Variants in PTPRD observed in about 807,000 individuals in gnomAD.
The protein encoded by PTPRD is receptor-type tyrosine-protein phosphatase delta.
In PTPRD, 34 loss-of-function variants were observed where a neutral mutation model predicts 214.5. The observed-to-expected ratio is 0.16, with a 90% CI of 0.12 to 0.21. The LOEUF (loss-of-function observed/expected upper bound fraction) is 0.21, where lower values mean the gene tolerates loss of function less well. Ranked by LOEUF, PTPRD falls within the 10% of genes least tolerant of loss-of-function variation. PTPRD has a pLI of 1.00. For synonymous variants in PTPRD, 1,128 were observed against 845.7 expected (o/e 1.33, Z -5.79); for missense variants, 2,545 against 2,398.7 (o/e 1.06, Z -1.27).
intron 9 of PTPRD, among the ~76,000 whole-genome samples, chr9:9,240,609 G>C (rs1332611431): frequency 6.6e-6 from 1 of 152,066 alleles, no homozygotes; most frequent in Non-Finnish European, 1.5e-5. Flanking sequence ...TACAAAGAGA[G>C]ACACTAAAGC....
intron 11 of PTPRD, among the ~76,000 whole-genome samples, chr9:8,748,827 C>A (rs2093190545): frequency 6.6e-6 from 1 of 152,094 alleles, no homozygotes; most frequent in Non-Finnish European, 1.5e-5. Flanking sequence ...GTGAGAATCG[C>A]TTGAACCCAG....
chr9:10,162,687 G>A (rs1161341089), intron 3 of PTPRD, among the ~76,000 whole-genome samples: 2 of 142,920 alleles, frequency 1.4e-5, no homozygotes, highest in Non-Finnish European at 3.1e-5. Flanking sequence ...ATGTATATAT[G>A]TGTATATATA....
At chr9:9,862,140 A>G (rs1428096615) in intron 5 of PTPRD, among the ~76,000 whole-genome samples, 1 of 152,018 alleles carries the variant, frequency 6.6e-6, no homozygotes, top group African/African-American at 2.4e-5. Flanking sequence ...CTTTTTTCTC[A>G]CCAACTTATT....
At chr9:8,377,235 G>A (rs1500324) in intron 37 of PTPRD, among the ~76,000 whole-genome samples, 33,051 of 151,160 alleles carry the variant, frequency 0.22, 5,030 homozygotes, top group East Asian at 0.51. Flanking sequence ...CTTTTTTTTT[G>A]AACACAAGAT....
chr9:10,018,403 G>C (rs2096768860), intron 4 of PTPRD, among the ~76,000 whole-genome samples: 1 of 151,940 alleles, frequency 6.6e-6, no homozygotes. Context: ...GTCTAGATCT[G>C]TGTCCCCTTA....
intron 5 of PTPRD, among the ~76,000 whole-genome samples, chr9:9,776,142 G>A (rs903557268): frequency 1.5e-4 from 23 of 152,006 alleles, no homozygotes; most frequent in African/African-American, 5.1e-4. Flanking sequence ...TTCTGCTGGA[G>A]GAAAACTAAA....
chr9:10,480,524 CA>C lies in PTPRD; in HGVS notation c.-600+131873del, dbSNP rs1238054230. Reference sequence around the variant, plus strand: ...ATTAATAAATAGAAAAAAAGCAAGACATTTTTTATAAACTTCCGAAGAAATA... The same window carrying C: ...ATTAATAAATAGAAAAAAAGCAAGACTTTTTTATAAACTTCCGAAGAAATA... On this transcript the variant is annotated intron_variant, in intron 2 of 45. Coordinates refer to ENST00000381196, the MANE Select transcript of PTPRD (RefSeq NM_002839.4). 4.0e-4 allele frequency among the ~76,000 whole-genome samples: 61 copies of C among 151,968 alleles called. 1 individual carries two copies. The highest frequency in any genetic ancestry group is 1.4e-3 in the African/African-American group (57 of 41,478).
At chr9:9,008,381 C>A (rs1204848742) in intron 11 of PTPRD, among the ~76,000 whole-genome samples, 2 of 151,778 alleles carry the variant, frequency 1.3e-5, no homozygotes, top group Non-Finnish European at 2.9e-5. Flanking sequence ...GCTCCCGCCA[C>A]CACACCCGGC....
chr9:9,833,096 G>T (rs541761980), intron 5 of PTPRD, among the ~76,000 whole-genome samples: 7 of 151,012 alleles, frequency 4.6e-5, no homozygotes, highest in Non-Finnish European at 2.9e-5. Flanking sequence ...GAAGAGAAGG[G>T]GCAAGGCCAG....
chr9:8,906,187 G>A (rs1028099004), intron 11 of PTPRD, among the ~76,000 whole-genome samples: 4 of 152,164 alleles, frequency 2.6e-5, no homozygotes, highest in African/African-American at 7.2e-5. Context: ...ATCCTTTTGA[G>A]TGCCATTAAA....
intron 10 of PTPRD, among the ~76,000 whole-genome samples, chr9:9,113,764 C>T (rs1250663044): frequency 1.3e-5 from 2 of 152,028 alleles, no homozygotes; most frequent in African/African-American, 2.4e-5. Context: ...AAAGGATTTT[C>T]CAAGAATATT....
chr9:8,579,590 G>C, intron 14 of PTPRD, among the ~76,000 whole-genome samples: 1 of 152,116 alleles, frequency 6.6e-6, no homozygotes, highest in East Asian at 1.9e-4. Context: ...TCACATTCTA[G>C]GGGAACAAAA....
intron 14 of PTPRD, among the ~76,000 whole-genome samples, chr9:8,613,423 T>C (rs912211011): frequency 4.6e-5 from 7 of 152,148 alleles, no homozygotes; most frequent in Non-Finnish European, 8.8e-5. Context: ...CAACCATATC[T>C]AGAAATACTT....
At chr9:9,369,974 C>T (rs2058998644) in intron 9 of PTPRD, among the ~76,000 whole-genome samples, 1 of 152,148 alleles carries the variant, frequency 6.6e-6, no homozygotes, top group Non-Finnish European at 1.5e-5. Context: ...ATCTATATCT[C>T]TGTTTTGGTA....
chr9:9,801,107 A>G (rs1386697762), intron 5 of PTPRD, among the ~76,000 whole-genome samples: 1 of 152,198 alleles, frequency 6.6e-6, no homozygotes, highest in Non-Finnish European at 1.5e-5. Flanking sequence ...AAGTCATCTT[A>G]TATCAAAAGT....
At chr9:8,781,849 G>C (rs1343683336) in intron 11 of PTPRD, among the ~76,000 whole-genome samples, 1 of 152,144 alleles carries the variant, frequency 6.6e-6, no homozygotes, top group African/African-American at 2.4e-5. Flanking sequence ...CATTGTGAAA[G>C]GTCCTTCCAT....
intron 5 of PTPRD, among the ~76,000 whole-genome samples, chr9:9,817,750 C>A (rs137880252): frequency 9.8e-5 from 15 of 152,292 alleles, no homozygotes; most frequent in African/African-American, 3.6e-4. Context: ...TGTCCTGATA[C>A]AAGGGTGCCT....
chr9:10,451,913 G>T (rs1029980788), intron 2 of PTPRD, among the ~76,000 whole-genome samples: 2 of 151,668 alleles, frequency 1.3e-5, no homozygotes, highest in Admixed American at 6.6e-5. Context: ...TATTATTTTC[G>T]AATTAAAGCT....
chr9:9,569,258 T>G (rs778916136), intron 8 of PTPRD, among the ~76,000 whole-genome samples: 1 of 150,544 alleles, frequency 6.6e-6, no homozygotes, highest in African/African-American at 2.4e-5. Context: ...AATGGCACAA[T>G]AATTTCTACA....
Sources: allele counts gnomAD v4.1 joint callset (sites outside exome capture counted in the v4.1 genomes callset), GRCh38; gene constraint gnomAD v4.1.1; transcripts MANE v1.5; gene names NCBI Gene and HGNC (gene_info 2026-07-23, HGNC 2026-07-21).